NRG3: variants seen among roughly 807,000 people sequenced by gnomAD.
NRG3 encodes neuregulin 3.
NRG3 carries 31 observed loss-of-function variants against 66.9 expected under a neutral mutation model. That is an observed-to-expected ratio of 0.46 (90% CI 0.35 to 0.63). NRG3 has a LOEUF of 0.63. Ranked by LOEUF, NRG3 falls within the 20% of genes least tolerant of loss-of-function variation. The pLI, the probability that NRG3 is intolerant of heterozygous loss-of-function variation, is 0.00. For synonymous variants in NRG3, 393 were observed against 359.4 expected (o/e 1.09, Z -1.06); for missense variants, 910 against 878.9 (o/e 1.04, Z -0.45).
intron 2 of NRG3, among the ~76,000 whole-genome samples, chr10:82,733,516 C>T (rs905592399): frequency 6.6e-6 from 1 of 152,136 alleles, no homozygotes; most frequent in Admixed American, 6.5e-5. Flanking sequence ...AAGACAGGTG[C>T]TAAGCAACCA....
At chr10:82,839,649 A>G (rs2062956874) in intron 3 of NRG3, among the ~76,000 whole-genome samples, 1 of 151,692 alleles carries the variant, frequency 6.6e-6, no homozygotes, top group South Asian at 2.1e-4. Flanking sequence ...ATTTTTAGTT[A>G]TAATTTTAAA....
intron 1 of NRG3, among the ~76,000 whole-genome samples, chr10:82,293,380 C>T (rs12219117): frequency 0.02 from 3,064 of 152,224 alleles, 157 homozygotes; most frequent in East Asian, 0.13. Context: ...ATCTCTAGAG[C>T]AAGCCTAGAG....
intron 2 of NRG3, among the ~76,000 whole-genome samples, chr10:82,419,194 A>C (rs1349138181): frequency 1.3e-5 from 2 of 152,212 alleles, no homozygotes; most frequent in Non-Finnish European, 2.9e-5. Flanking sequence ...AAATCCATTA[A>C]TGGAAATGAC....
chr10:82,699,857 C>CTGTGTG (rs59381778), intron 2 of NRG3, among the ~76,000 whole-genome samples: 7 of 149,520 alleles, frequency 4.7e-5, no homozygotes, highest in African/African-American at 7.3e-5. Context: ...TATGGATGAT[C>CTGTGTG]TGTGTGTGTG....
intron 2 of NRG3, among the ~76,000 whole-genome samples, chr10:82,659,114 C>T (rs1331957707): frequency 3.3e-5 from 5 of 152,028 alleles, no homozygotes; most frequent in African/African-American, 4.8e-5. Context: ...GATTTATTAC[C>T]GGAGACATAA....
chr10:82,748,343 A>G (rs1357607619), intron 3 of NRG3, among the ~76,000 whole-genome samples: 1 of 151,398 alleles, frequency 6.6e-6, no homozygotes, highest in Non-Finnish European at 1.5e-5. Context: ...TAGGGTGACC[A>G]TATAACTTAT....
chr10:82,239,058 G>C (rs975375126), intron 1 of NRG3, among the ~76,000 whole-genome samples: 3 of 150,640 alleles, frequency 2.0e-5, no homozygotes, highest in African/African-American at 7.3e-5. Flanking sequence ...TTCCACCTTT[G>C]TATCTGCTGT....
chr10:82,782,446 T>C (rs896749285), intron 3 of NRG3, among the ~76,000 whole-genome samples: 1 of 151,714 alleles, frequency 6.6e-6, no homozygotes, highest in African/African-American at 2.4e-5. Flanking sequence ...TATTTGTTCT[T>C]TATAAATATT....
chr10:81,885,116 A>G (rs1467905557), intron 1 of NRG3, among the ~76,000 whole-genome samples: 2 of 151,884 alleles, frequency 1.3e-5, no homozygotes, highest in Non-Finnish European at 2.9e-5. Flanking sequence ...TTAACTCTCT[A>G]TTTTCTCTTA....
chr10:81,907,867 G>T (rs956691480), intron 1 of NRG3, among the ~76,000 whole-genome samples: 41 of 152,100 alleles, frequency 2.7e-4, no homozygotes, highest in African/African-American at 8.9e-4. Context: ...GTTTCATTTT[G>T]ATATTAGAGA....
In NRG3 at chr10:82,569,327, A is replaced by G. The variant is rs148524448; in HGVS notation, c.954-169250A>G. Among the ~76,000 whole-genome samples, 89 of 151,856 alleles carry G rather than the reference A, an allele frequency of 5.9e-4. No homozygotes were observed. In the East Asian group the frequency reaches 0.016, roughly 27 times the overall value. On this transcript the variant is annotated intron_variant, in intron 2 of 8. Transcript: ENST00000372141. ...GGATTTTATTTGCACCCCAGTTACT[A>G]ACTAGCAGTATTACCTAGAACAAGC...
intron 3 of NRG3, among the ~76,000 whole-genome samples, chr10:82,823,135 T>A (rs754412081): frequency 6.6e-6 from 1 of 152,190 alleles, no homozygotes; most frequent in Non-Finnish European, 1.5e-5. Flanking sequence ...CAGGTTATTT[T>A]TCTCCTCTGA....
chr10:82,535,060 T>A (rs1351438125), intron 2 of NRG3, among the ~76,000 whole-genome samples: 1 of 149,990 alleles, frequency 6.7e-6, no homozygotes, highest in Non-Finnish European at 1.5e-5. Flanking sequence ...GAGGCTTAGG[T>A]GGGAGAACTA....
Position 82,499,957 on chromosome 10 carries a change from C to T in NRG3, c.953+141089C>T, listed in dbSNP as rs76507807. Among the ~76,000 whole-genome samples, 677 of 152,256 alleles carry T rather than the reference C, an allele frequency of 4.4e-3. 3 individuals are homozygous for T. The highest frequency in any genetic ancestry group is 0.016 in the African/African-American group (653 of 41,552). On this transcript the variant is annotated intron_variant, in intron 2 of 8. Transcript: ENST00000372141. ...CATCTTGTACAAAACTCTCTGATTT[C>T]AAGTAGCCTTCATTGTGAGTATAAA...
intron 2 of NRG3, among the ~76,000 whole-genome samples, chr10:82,524,392 A>T (rs930880981): frequency 3.3e-5 from 5 of 151,970 alleles, no homozygotes; most frequent in African/African-American, 9.7e-5. Context: ...TAGTTTCATA[A>T]TTGTTTTCCT....
intron 1 of NRG3, among the ~76,000 whole-genome samples, chr10:81,973,852 T>C (rs1417223418): frequency 2.0e-5 from 3 of 152,320 alleles, no homozygotes; most frequent in Middle Eastern, 3.4e-3. Context: ...TCCCATTCTG[T>C]AGGTTGTCTG....
At chr10:82,361,059 A>G (rs1047196145) in intron 2 of NRG3, among the ~76,000 whole-genome samples, 2 of 152,220 alleles carry the variant, frequency 1.3e-5, no homozygotes, top group African/African-American at 2.4e-5. Context: ...AGTTTACTTC[A>G]TGTAGGGATT....
At chr10:82,344,064 T>G (rs2082835136) in intron 1 of NRG3, among the ~76,000 whole-genome samples, 1 of 145,084 alleles carries the variant, frequency 6.9e-6, no homozygotes, top group African/African-American at 2.7e-5. Flanking sequence ...TTTTTTTCTT[T>G]CTTTTTTTTT....
intron 2 of NRG3, among the ~76,000 whole-genome samples, chr10:82,545,575 G>A (rs1036164364): frequency 1.4e-4 from 21 of 151,552 alleles, no homozygotes; most frequent in Non-Finnish European, 2.9e-4. Flanking sequence ...TAGAGATGGG[G>A]TTTCACCGTG....
Sources: allele counts gnomAD v4.1 joint callset (sites outside exome capture counted in the v4.1 genomes callset), GRCh38; gene constraint gnomAD v4.1.1; transcripts MANE v1.5; gene names NCBI Gene and HGNC (gene_info 2026-07-23, HGNC 2026-07-21).